The following MAP3K3 variants were observed in gnomAD, a reference collection of about 807,000 sequenced individuals.
MAP3K3 encodes the protein MAP/ERK kinase kinase 3.
Under a neutral mutation model 80.9 loss-of-function variants are expected in MAP3K3, and 12 were observed. The observed-to-expected ratio is 0.15, with a 90% confidence interval of 0.10 to 0.24. The LOEUF is 0.24. Ranked by LOEUF, MAP3K3 falls within the 10% of genes least tolerant of loss-of-function variation. MAP3K3 has a pLI of 1.00. For missense variants in MAP3K3, 596 were observed against 834.7 expected, an observed-to-expected ratio of 0.71 and a Z score of 3.52; for synonymous variants, 272 against 307.1, an observed-to-expected ratio of 0.89 and a Z score of 1.19.
At chr17:63,657,716 A>G (rs2034800121) in intron 4 of MAP3K3, 78 bp from the exon 5 acceptor site, 2 of 621,876 alleles carry the variant, frequency 3.2e-6, no homozygotes, top group Non-Finnish European at 5.6e-6. Flanking sequence ...TTTTTTGTTT[A>G]TTTTATTTCT....
chr17:63,626,330 A>T (rs1378024196), intron 1 of MAP3K3, among the ~76,000 whole-genome samples: 2 of 152,208 alleles, frequency 1.3e-5, no homozygotes, highest in African/African-American at 4.8e-5. Context: ...AAACATGTAA[A>T]CAATTAAGTG....
At chr17:63,655,237 C>T (rs1009454135) in intron 4 of MAP3K3, among the ~76,000 whole-genome samples, 3 of 151,948 alleles carry the variant, frequency 2.0e-5, no homozygotes, top group Non-Finnish European at 2.9e-5. Flanking sequence ...CATCAGATCT[C>T]GTGAGAACTC....
chr17:63,639,806 A>G (rs2034404574), intron 2 of MAP3K3, among the ~76,000 whole-genome samples: 2 of 152,330 alleles, frequency 1.3e-5, no homozygotes, highest in African/African-American at 4.8e-5. Context: ...AGTGGAAGAG[A>G]TGATTATAAA....
chr17:63,626,999 G>C (rs1467686183), intron 1 of MAP3K3, among the ~76,000 whole-genome samples: 1 of 152,162 alleles, frequency 6.6e-6, no homozygotes, highest in African/African-American at 2.4e-5. Context: ...AACTTTTCTG[G>C]GTTGTTAGCC....
chr17:63,661,427 T>G (rs1233196943), intron 5 of MAP3K3, among the ~76,000 whole-genome samples: 3 of 152,224 alleles, frequency 2.0e-5, no homozygotes, highest in Non-Finnish European at 4.4e-5. Context: ...CTTCTGTAGT[T>G]TTTGCTGTCC....
intron 5 of MAP3K3, among the ~76,000 whole-genome samples, chr17:63,662,886 C>G (rs2034924177): frequency 6.6e-6 from 1 of 151,676 alleles, no homozygotes; most frequent in South Asian, 2.1e-4. Flanking sequence ...GTTGGCCGGG[C>G]TGGTCTCGAA....
At chr17:63,634,786 G>GA (rs752065475) in intron 2 of MAP3K3, 1 of 1,613,818 alleles carries the variant, frequency 6.2e-7, no homozygotes, top group Non-Finnish European at 8.5e-7. Flanking sequence ...GGGCCAGTGA[G>GA]AAAAAGAAAT....
In MAP3K3 at chr17:63,623,347, G is replaced by C. The variant is rs141587093; in HGVS notation, c.4+584G>C. 3.5e-3 allele frequency among the ~76,000 whole-genome samples: 532 copies of C among 152,344 alleles called. 12 individuals are homozygous for C. Among genetic ancestry groups the C allele is most frequent in the Admixed American group, 0.027 (411 of 15,312 alleles). On this transcript the variant is annotated intron_variant, in intron 1 of 15. Transcript: ENST00000361733. The stretch of plus-strand genomic sequence containing the variant: ...AACTGGAGCTGTGATCAAGCGCGCG[G>C]TTGACAAATGCGTGCTGCACGCAGA...
At chr17:63,662,019 C>G (rs2034902229) in intron 5 of MAP3K3, among the ~76,000 whole-genome samples, 1 of 152,084 alleles carries the variant, frequency 6.6e-6, no homozygotes, top group African/African-American at 2.4e-5. Flanking sequence ...AGGAGAATGA[C>G]ATGAACCCAG....
chr17:63,674,628 G>C (rs952710507), intron 6 of MAP3K3, among the ~76,000 whole-genome samples: 1 of 152,030 alleles, frequency 6.6e-6, no homozygotes, highest in Admixed American at 6.6e-5. Flanking sequence ...TGAGATTATA[G>C]GTATGAGCCA....
chr17:63,679,776 A>G (rs1568148702), intron 6 of MAP3K3, among the ~76,000 whole-genome samples: 1 of 152,218 alleles, frequency 6.6e-6, no homozygotes, highest in South Asian at 2.1e-4. Flanking sequence ...CTGGCCACAC[A>G]TGAGTTTTTG....
intron 1 of MAP3K3, among the ~76,000 whole-genome samples, chr17:63,631,214 G>A (rs548390636): frequency 2.0e-5 from 3 of 152,304 alleles, no homozygotes; most frequent in Non-Finnish European, 4.4e-5. Flanking sequence ...TGAGCCTGGG[G>A]GTGGAGGAGG....
intron 1 of MAP3K3, among the ~76,000 whole-genome samples, chr17:63,624,225 C>G (rs1010913934): frequency 3.9e-5 from 6 of 152,090 alleles, no homozygotes; most frequent in Admixed American, 6.5e-5. Context: ...TTGTCTACCC[C>G]AGGATTCAAA....
rs1370085737 is a variant in MAP3K3, at chr17:63,692,516, G to A, written c.1652+97G>A. On this transcript the variant is annotated intron_variant, in intron 15 of 15. Coordinates refer to ENST00000361733, the MANE Select transcript of MAP3K3 (RefSeq NM_002401.5). The surrounding 1 kb of genome is among the most constrained non-coding windows in gnomAD (Gnocchi z 4.5). Reference sequence around the variant, plus strand: ...GGGGACTTTGTGGTGTGGCAGGAGGGAGTGTGCCCAGGGCCCAGGCTGCAG... The same window carrying A: ...GGGGACTTTGTGGTGTGGCAGGAGGAAGTGTGCCCAGGGCCCAGGCTGCAG... 2.3e-5 allele frequency: 30 copies of A among 1,331,526 alleles called. No individual in the cohort carries two copies. The highest frequency in any genetic ancestry group is 3.0e-5 in the African/African-American group (2 of 67,636). 82.5% of individuals were successfully genotyped at this position (1,331,526 alleles called of 1,614,324 possible).
chr17:63,672,797 A>C (rs2035138254), intron 6 of MAP3K3: 2 of 152,270 alleles, frequency 1.3e-5, no homozygotes, highest in African/African-American at 2.4e-5. Flanking sequence ...CAGGTTGGTA[A>C]GGACAGACCA....
chr17:63,655,101 A>G (rs917387085), intron 4 of MAP3K3, among the ~76,000 whole-genome samples: 10 of 152,312 alleles, frequency 6.6e-5, no homozygotes, highest in African/African-American at 2.4e-4. Flanking sequence ...ATTGACTCAC[A>G]GTTCAGCATG....
intron 3 of MAP3K3, among the ~76,000 whole-genome samples, chr17:63,652,095 A>T (rs1333149951): frequency 6.6e-6 from 1 of 152,174 alleles, no homozygotes; most frequent in Non-Finnish European, 1.5e-5. Flanking sequence ...ATAGTTAAAC[A>T]TGTGCCATGG....
At chr17:63,638,957 C>T (rs996677628) in intron 2 of MAP3K3, among the ~76,000 whole-genome samples, 1 of 151,696 alleles carries the variant, frequency 6.6e-6, no homozygotes, top group Admixed American at 6.6e-5. Context: ...ACTTGGGAGG[C>T]GGAGGTTGTA....
rs558897831 is a variant in MAP3K3 at position 63,664,024 on chromosome 17, C to T, written c.382-2916C>T. On this transcript the variant is annotated intron_variant, in intron 5 of 15. Transcript: ENST00000361733. The stretch of plus-strand genomic sequence containing the variant: ...TTGGGAGGCCGAGGCGGGCGGATCA[C>T]GAGGTCAGGAGATCGAGACCATCCT... Among the ~76,000 whole-genome samples the T allele has an allele frequency of 1.1e-4, 16 of 151,860 alleles. No homozygotes were observed. In the East Asian group the frequency reaches 2.5e-3, roughly 24 times the overall value.
Sources: allele counts gnomAD v4.1 joint callset (sites outside exome capture counted in the v4.1 genomes callset), GRCh38; gene constraint gnomAD v4.1.1; non-coding constraint Gnocchi (gnomAD v3.1); transcripts MANE v1.5; gene names NCBI Gene and HGNC (gene_info 2026-07-23, HGNC 2026-07-21).